GIMAP6: variants seen among roughly 807,000 people sequenced by gnomAD.
GIMAP6 encodes the protein GTPase, IMAP family member 6, also known as GTPase IMAP family member 6.
In GIMAP6, 6 loss-of-function variants were observed where a neutral mutation model predicts 9.3. The observed-to-expected ratio is 0.65, with a 90% CI of 0.35 to 1.27. GIMAP6 has a LOEUF of 1.27. GIMAP6 is among the 50% of genes most tolerant of loss of function. GIMAP6 has a pLI of 0.03. For missense variants in GIMAP6, 333 were observed against 359.5 expected, an observed-to-expected ratio of 0.93 and a Z score of 0.60; for synonymous variants, 156 against 151.1, an observed-to-expected ratio of 1.03 and a Z score of -0.24.
intron 1 of GIMAP6, among the ~76,000 whole-genome samples, 159 bp downstream of exon 1, chr7:150,631,999 TACACAACACAC>T (rs1269567873): frequency 6.0e-5 from 9 of 150,994 alleles, no homozygotes; most frequent in Non-Finnish European, 8.9e-5. Flanking sequence ...CAAATATACA[TACACAACACAC>T]ACACAACACT....
Position 150,625,877 on chromosome 7 carries a change from A to G in GIMAP6, c.*1842T>C, listed in dbSNP as rs544434063. The G allele has an allele frequency of 6.6e-6, 1 of 152,360 alleles. No individual in the cohort carries two copies. The highest frequency in any genetic ancestry group is 2.1e-4 in the South Asian group (1 of 4,834). 9.4% of individuals were successfully genotyped at this position (152,360 alleles called of 1,614,324 possible). Reference sequence around the variant, plus strand: ...TATTCATACAGGAGTAGAAAAGTAGAAGACATGAACAGAAATAAAAATTCT... The same window carrying G: ...TATTCATACAGGAGTAGAAAAGTAGGAGACATGAACAGAAATAAAAATTCT... On this transcript the variant is annotated 3_prime_UTR_variant, in exon 3 of 3. Transcript: ENST00000328902.
rs940297521 is a variant in GIMAP6 at position 150,626,231 on chromosome 7, G to A, written c.*1488C>T. The stretch of plus-strand genomic sequence containing the variant: ...AGTGTCCAGGTAGACCTGAGGCTGT[G>A]CCCTGAGATTTCTGATCATCTCCCA... On this transcript the variant is annotated 3_prime_UTR_variant, in exon 3 of 3. Transcript: ENST00000328902. 6.6e-6 allele frequency: 1 copy of A among 152,298 alleles called. No homozygotes were observed. Among genetic ancestry groups the A allele is most frequent in the Admixed American group, 6.5e-5 (1 of 15,290 alleles). 9.4% of individuals were successfully genotyped at this position (152,298 alleles called of 1,614,324 possible).
intron 2 of GIMAP6, 62 bp downstream of exon 2, chr7:150,629,996 A>G (rs1585183576): frequency 1.9e-6 from 2 of 1,061,650 alleles, no homozygotes; most frequent in Non-Finnish European, 1.4e-6. Flanking sequence ...ATGGTGGTGG[A>G]GCTGTGTCCC....
intron 1 of GIMAP6, among the ~76,000 whole-genome samples, chr7:150,631,725 A>C (rs1796394957): frequency 6.6e-6 from 1 of 152,234 alleles, no homozygotes; most frequent in Non-Finnish European, 1.5e-5. Flanking sequence ...CATTGTCTCC[A>C]ACACAGAAGA....
chr7:150,628,701 T>C, intron 2 of GIMAP6, 189 bp from the exon 3 acceptor site: 1 of 1,525,316 alleles, frequency 6.6e-7, no homozygotes, highest in South Asian at 1.2e-5. Context: ...CTGAACGTTC[T>C]CTCCCAGTGC....
At position 150,627,672 on chromosome 7, in the gene GIMAP6, G is replaced by T. The variant is rs114252711; in HGVS notation, c.*47C>A. 278 of 1,609,640 alleles carry T rather than the reference G, an allele frequency of 1.7e-4. No homozygotes were observed. The highest frequency in any genetic ancestry group is 9.9e-4 in the Middle Eastern group (6 of 6,050). ...AAGAGAAACAGAGGGCTGGACACAG[G>T]GGGGTGCAAAGGCTGATGGTGTCCT... On this transcript the variant is annotated 3_prime_UTR_variant, in exon 3 of 3. Transcript: ENST00000328902.
Position 150,628,047 on chromosome 7 carries a change from G to A in GIMAP6, c.551C>T (p.Ala184Val), listed in dbSNP as rs368001704. Reference protein sequence around the residue: ...EDYVRETNNQALAWLDVTLAR... With the variant: ...EDYVRETNNQVLAWLDVTLAR... ...AAGGGTCACATCCAGCCAGGCAAGGGCCTGGTTGTTGGTCTCTCGCACATA... is the reference window on the plus strand; with the variant it reads ...AAGGGTCACATCCAGCCAGGCAAGGACCTGGTTGTTGGTCTCTCGCACATA... Residue 184 changes from alanine (A) to valine (V), a missense_variant, in exon 3 of 3, where the codon GCC becomes GTC. By Grantham distance (64) the Ala-to-Val change is moderately conservative. Coordinates refer to ENST00000328902, the MANE Select transcript of GIMAP6 (RefSeq NM_024711.6). 12 of 1,614,240 alleles carry A rather than the reference G, an allele frequency of 7.4e-6. No homozygotes were observed. In the African/African-American group the frequency reaches 1.6e-4, roughly 22 times the overall value.
rs1185764206 is a variant in GIMAP6 at position 150,628,312 on chromosome 7, T to C, written c.286A>G (p.Thr96Ala). ...WAGKELEVID[T>A]PNILSPQVSP... ...ACCTGGGGGGACAGAATGTTGGGTG[T>C]GTCAATCACCTCAAGCTCCTTCCCA... is the stretch of plus-strand genomic sequence containing the variant. Residue 96 changes from threonine to alanine, a missense_variant, in exon 3 of 3, where the codon ACA (threonine) becomes GCA (alanine). By Grantham distance (58) the Thr-to-Ala change is moderately conservative. Transcript: ENST00000328902. 1 of 1,614,044 alleles carries C rather than the reference T, an allele frequency of 6.2e-7. No homozygotes were observed. The highest frequency in any genetic ancestry group is 8.5e-7 in the Non-Finnish European group (1 of 1,180,016).
chr7:150,629,628 G>A (rs1796358229), intron 2 of GIMAP6, among the ~76,000 whole-genome samples: 1 of 152,090 alleles, frequency 6.6e-6, no homozygotes. Context: ...TTGTGCACAA[G>A]GCGCTTTCAA....
rs554236549 is a variant in GIMAP6, at chr7:150,627,741, A to G, written c.857T>C (p.Leu286Pro). 1.9e-6 allele frequency: 3 copies of G among 1,613,838 alleles called. No individual in the cohort carries two copies. The highest frequency in any genetic ancestry group is 1.3e-5 in the African/African-American group (1 of 75,046). Residue 286 changes from leucine (L) to proline (P), a missense_variant, in exon 3 of 3, where the codon CTG becomes CCG. By Grantham distance (98) the Leu-to-Pro change is moderately conservative. Coordinates refer to ENST00000328902, the MANE Select transcript of GIMAP6 (RefSeq NM_024711.6). ...GGCTCAAAGGTCAGCCTTCCCCAGC[A>G]GGCATCTGTGGGCTTCCTCAGATTC... ...QKESEEAHRC[L>P]LGKADL
chr7:150,632,278 G>A lies in GIMAP6; in HGVS notation c.-110C>T, dbSNP rs1363195110. Reference sequence around the variant, plus strand: ...TTCCACAGTGTATGAACACAAGGAGGACAAGGCCGATGTTTGCTTATATTT... The same window carrying A: ...TTCCACAGTGTATGAACACAAGGAGAACAAGGCCGATGTTTGCTTATATTT... On this transcript the variant is annotated 5_prime_UTR_variant, in exon 1 of 3. Transcript: ENST00000328902. 6.6e-6 allele frequency: 1 copy of A among 152,274 alleles called. No individual in the cohort carries two copies. The highest frequency in any genetic ancestry group is 2.4e-5 in the African/African-American group (1 of 41,452). 9.4% of individuals were successfully genotyped at this position (152,274 alleles called of 1,614,324 possible).
intron 2 of GIMAP6, chr7:150,628,736 C>A: frequency 6.8e-7 from 1 of 1,464,842 alleles, no homozygotes. Flanking sequence ...GAAAGAAGAG[C>A]GAGACTTGGC....
rs537284096 is a variant in GIMAP6, at chr7:150,625,559, A to G, written c.*2160T>C. The G allele has an allele frequency of 6.6e-6, 1 of 152,332 alleles. No homozygotes were observed. The highest frequency in any genetic ancestry group is 2.1e-4 in the South Asian group (1 of 4,832). 9.4% of individuals were successfully genotyped at this position (152,332 alleles called of 1,614,324 possible). ...ATCTCCTATCTGAATGAAAATGCAA[A>G]TGATTCTAACTTTTACTTCAGTAGC... On this transcript the variant is annotated 3_prime_UTR_variant, in exon 3 of 3. Transcript: ENST00000328902.
intron 2 of GIMAP6, chr7:150,628,776 G>T: frequency 1.4e-6 from 2 of 1,423,270 alleles, no homozygotes; most frequent in South Asian, 1.5e-5. Flanking sequence ...CCAATACCAA[G>T]GTTTTTAGAT....
In GIMAP6 at chr7:150,627,523, G is replaced by A; in HGVS notation, c.*196C>T. The A allele has an allele frequency of 1.6e-6, 1 of 642,028 alleles. No homozygotes were observed. The allele number at this position is 642,028 out of a possible 1,614,324, so 39.8% of individuals were successfully genotyped here. A position where few individuals can be genotyped will look rare whatever the true frequency, so the allele number is the denominator to read the frequency against. ...AGAGGAGGGAGGACCCAGATGTTCT[G>A]GAAGAAGGAATGAAGGAACTGGAAT... On this transcript the variant is annotated 3_prime_UTR_variant, in exon 3 of 3. Coordinates refer to ENST00000328902, the MANE Select transcript of GIMAP6 (RefSeq NM_024711.6).
At chr7:150,631,962 G>A (rs1265638229) in intron 1 of GIMAP6, among the ~76,000 whole-genome samples, 1 of 151,298 alleles carries the variant, frequency 6.6e-6, no homozygotes, top group African/African-American at 2.4e-5. Flanking sequence ...ACACATGCAG[G>A]TGAACACACA....
chr7:150,629,314 T>TA (rs1256128810), intron 2 of GIMAP6, among the ~76,000 whole-genome samples: 1 of 152,240 alleles, frequency 6.6e-6, no homozygotes. Flanking sequence ...AAACAGGTGT[T>TA]ACACAGGTAT....
chr7:150,630,278 G>C (rs1315334819), intron 1 of GIMAP6, 136 bp from the exon 2 acceptor site: 4 of 593,808 alleles, frequency 6.7e-6, no homozygotes, highest in Non-Finnish European at 1.1e-5. Context: ...GTGGGACTGA[G>C]TGAGGCAATG....
rs1796312306 is a variant in GIMAP6, at chr7:150,627,396, C to T, written c.*323G>A. The T allele has an allele frequency of 5.0e-6, 2 of 400,738 alleles. No individual in the cohort carries two copies. Among genetic ancestry groups the T allele is most frequent in the Non-Finnish European group, 9.2e-6 (2 of 216,618 alleles). 24.8% of individuals were successfully genotyped at this position (400,738 alleles called of 1,614,324 possible). Reference sequence around the variant, plus strand: ...CAGAAGTAAAAGATACAGGCCTGCCCTCAAGAAACTTTGGTTCTATCAGAG... The same window carrying T: ...CAGAAGTAAAAGATACAGGCCTGCCTTCAAGAAACTTTGGTTCTATCAGAG... On this transcript the variant is annotated 3_prime_UTR_variant, in exon 3 of 3. Transcript: ENST00000328902.
Sources: gnomAD v4.1 joint callset for allele counts (sites outside exome capture counted in the v4.1 genomes callset) on GRCh38, gnomAD v4.1.1 for gene constraint, MANE v1.5 for transcripts, NCBI Gene and HGNC (gene_info 2026-07-23, HGNC 2026-07-21) for gene names.